The following PDE1C variants were observed in gnomAD, a reference collection of about 807,000 sequenced individuals.
PDE1C encodes dual specificity calcium/calmodulin-dependent 3',5'-cyclic nucleotide phosphodiesterase 1C.
A neutral mutation model predicts 93.1 loss-of-function variants in PDE1C; 62 were observed. The ratio of observed to expected loss-of-function variants is 0.67; its 90% CI spans 0.54 to 0.82. The LOEUF (loss-of-function observed/expected upper bound fraction) is 0.82. Ranked by LOEUF, PDE1C falls within the 40% of genes least tolerant of loss-of-function variation. The pLI, the probability that PDE1C is intolerant of heterozygous loss-of-function variation, is 0.00. For missense variants in PDE1C, 742 were observed against 884.6 expected, an observed-to-expected ratio of 0.84 and a Z score of 2.04; for synonymous variants, 325 against 310.1, an observed-to-expected ratio of 1.05 and a Z score of -0.50.
At chr7:31,997,596 C>T (rs1245488863) in intron 2 of PDE1C, among the ~76,000 whole-genome samples, 1 of 152,160 alleles carries the variant, frequency 6.6e-6, no homozygotes, top group East Asian at 1.9e-4. Flanking sequence ...GAGGGAGTTG[C>T]TGAAGGGGTG....
chr7:32,283,983 C>T (rs1387224452), intron 1 of PDE1C, among the ~76,000 whole-genome samples: 1 of 152,146 alleles, frequency 6.6e-6, no homozygotes, highest in Non-Finnish European at 1.5e-5. Context: ...CAACAGGGAC[C>T]AGGGCGGGAA....
At chr7:32,364,589 C>T (rs1784194945) in intron 1 of PDE1C, among the ~76,000 whole-genome samples, 2 of 152,232 alleles carry the variant, frequency 1.3e-5, no homozygotes. Flanking sequence ...TCCTTGCAAG[C>T]CATGAGCCCA....
intron 1 of PDE1C, among the ~76,000 whole-genome samples, chr7:32,321,939 C>T (rs1156874380): frequency 6.6e-6 from 1 of 152,152 alleles, no homozygotes; most frequent in African/African-American, 2.4e-5. Flanking sequence ...GTAATAAGTA[C>T]ATTAAATGTA....
the PDE1C span, chr7:31,651,028 T>C: frequency 8.7e-7 from 1 of 1,148,966 alleles, no homozygotes; most frequent in Admixed American, 2.3e-5. Flanking sequence ...ATATTAGCAG[T>C]AGGGCCTGTT....
At chr7:32,064,236 T>A (rs751297878) in intron 1 of PDE1C, among the ~76,000 whole-genome samples, 2 of 152,210 alleles carry the variant, frequency 1.3e-5, no homozygotes, top group Non-Finnish European at 2.9e-5. Flanking sequence ...TGGCTCCATA[T>A]TGCCATCACC....
intron 2 of PDE1C, 56 bp downstream of exon 2, chr7:32,051,498 T>C: frequency 1.9e-6 from 3 of 1,570,344 alleles, no homozygotes. Flanking sequence ...GCCAGACTTG[T>C]GAAGAGCTGG....
chr7:31,947,202 T>C (rs1360445577), intron 2 of PDE1C, among the ~76,000 whole-genome samples: 1 of 152,166 alleles, frequency 6.6e-6, no homozygotes, highest in African/African-American at 2.4e-5. Flanking sequence ...GAGTATTCTA[T>C]ATTCTCCCAA....
At chr7:31,742,455 C>G in the PDE1C span, among the ~76,000 whole-genome samples, 1 of 152,208 alleles carries the variant, frequency 6.6e-6, no homozygotes, top group Non-Finnish European at 1.5e-5. Context: ...GAAGTCCCAG[C>G]AACTTGGGAG....
At chr7:32,032,460 C>G (rs1013950030) in intron 2 of PDE1C, among the ~76,000 whole-genome samples, 1 of 152,204 alleles carries the variant, frequency 6.6e-6, no homozygotes, top group Non-Finnish European at 1.5e-5. Flanking sequence ...GAATCAAGTT[C>G]ACAGGGCATC....
chr7:31,971,454 T>C (rs1810950723), intron 2 of PDE1C, among the ~76,000 whole-genome samples: 2 of 152,156 alleles, frequency 1.3e-5, no homozygotes, highest in African/African-American at 2.4e-5. Context: ...AATCAAATGA[T>C]GGGAGTCTCT....
At chr7:32,381,970 C>T (rs541567242) in intron 1 of PDE1C, among the ~76,000 whole-genome samples, 8 of 152,080 alleles carry the variant, frequency 5.3e-5, no homozygotes, top group Admixed American at 1.3e-4. Flanking sequence ...AGCACTGATT[C>T]GAGCATTTTT....
chr7:32,424,311 A>C (rs1041961544), intron 1 of PDE1C, among the ~76,000 whole-genome samples: 8 of 152,214 alleles, frequency 5.3e-5, no homozygotes, highest in Non-Finnish European at 1.0e-4. Flanking sequence ...CAGCTGACTT[A>C]ATACCCTGAG....
chr7:31,911,575 G>A (rs1343958972), intron 2 of PDE1C, among the ~76,000 whole-genome samples: 1 of 152,034 alleles, frequency 6.6e-6, no homozygotes, highest in Admixed American at 6.6e-5. Context: ...AGCACACCCT[G>A]GATCTTCACT....
rs1796798862 is a variant in PDE1C, at chr7:31,877,990, CT to C, written c.471del (p.Ala158LeufsTer6). 1 of 1,612,626 alleles carries C rather than the reference CT, an allele frequency of 6.2e-7. No individual in the cohort carries two copies. The highest frequency in any genetic ancestry group is 1.3e-5 in the African/African-American group (1 of 74,836). Reference protein sequence around the residue: ...TSNMVGLSYPPAVIEALKDVD... With the variant: ...TSNMVGLSYPXAVIEALKDVD... ...ATTACCTTTAATGCCTCAATAACAG[CT>C]GGTGGATAGCTCAGTCCAACCATGT... On this transcript the variant is annotated frameshift_variant, in exon 5 of 18. Transcript: ENST00000396191. LOFTEE classifies it high-confidence loss of function.
At chr7:31,972,255 AC>A in intron 2 of PDE1C, among the ~76,000 whole-genome samples, 1 of 152,362 alleles carries the variant, frequency 6.6e-6, no homozygotes, top group Non-Finnish European at 1.5e-5. Context: ...GCTGAGAAAT[AC>A]ATTTGGTGAT....
chr7:32,125,010 TAAAC>T (rs1321372845), intron 3 of PDE1C, among the ~76,000 whole-genome samples: 1 of 151,996 alleles, frequency 6.6e-6, no homozygotes, highest in Non-Finnish European at 1.5e-5. Context: ...ACAAGGAACT[TAAAC>T]AAATTTACAA....
At chr7:32,011,999 A>G (rs1787191849) in intron 2 of PDE1C, among the ~76,000 whole-genome samples, 1 of 152,258 alleles carries the variant, frequency 6.6e-6, no homozygotes, top group Admixed American at 6.5e-5. Context: ...TCCACAATAT[A>G]AGGAATGAAC....
the PDE1C span, chr7:31,651,036 G>C: frequency 7.6e-7 from 1 of 1,321,618 alleles, no homozygotes; most frequent in East Asian, 2.5e-5. Flanking sequence ...AGTAGGGCCT[G>C]TTTGCGAAAA....
chr7:32,141,487 G>A (rs1334676011), intron 3 of PDE1C, among the ~76,000 whole-genome samples: 1 of 152,216 alleles, frequency 6.6e-6, no homozygotes, highest in African/African-American at 2.4e-5. Context: ...AGGTTGTGAT[G>A]AGGAGAGAAC....
Sources: allele counts gnomAD v4.1 joint callset (sites outside exome capture counted in the v4.1 genomes callset), GRCh38; gene constraint gnomAD v4.1.1; transcripts MANE v1.5; gene names NCBI Gene and HGNC (gene_info 2026-07-23, HGNC 2026-07-21).